LPP: variants seen among roughly 807,000 people sequenced by gnomAD.
LPP encodes lipoma-preferred partner.
LPP carries 38 observed loss-of-function variants against 60.4 expected under a neutral mutation model. The observed-to-expected ratio is 0.63, with a 90% CI of 0.49 to 0.83. The LOEUF is 0.83. LPP is among the 40% of genes least tolerant of loss of function. The pLI is 0.00. For synonymous variants in LPP, 328 were observed against 290.8 expected (o/e 1.13, Z -1.30); for missense variants, 902 against 783.6 (o/e 1.15, Z -1.80).
At chr3:188,579,562 C>A (rs1835559690) in intron 6 of LPP, among the ~76,000 whole-genome samples, 1 of 151,910 alleles carries the variant, frequency 6.6e-6, no homozygotes, top group East Asian at 1.9e-4. Flanking sequence ...AATTAAAGAG[C>A]AATAAAAGCA....
intron 1 of LPP, chr3:188,179,421 C>G (rs945861746): frequency 4.4e-6 from 2 of 457,800 alleles, no homozygotes; most frequent in Non-Finnish European, 8.8e-6. Context: ...TGGAGGGCCA[C>G]CTGACATTCT....
At chr3:188,639,968 C>T (rs1849709181) in intron 7 of LPP, among the ~76,000 whole-genome samples, 1 of 152,116 alleles carries the variant, frequency 6.6e-6, no homozygotes, top group Admixed American at 6.5e-5. Flanking sequence ...GGCAATACCT[C>T]AGGGATCTAG....
chr3:188,267,880 G>C (rs1736146181), intron 2 of LPP, among the ~76,000 whole-genome samples: 1 of 152,122 alleles, frequency 6.6e-6, no homozygotes, highest in East Asian at 1.9e-4. Context: ...TGCGTGTCTG[G>C]CAACCCAGGG....
chr3:188,311,683 G>A (rs1419475592), intron 2 of LPP, among the ~76,000 whole-genome samples: 1 of 151,502 alleles, frequency 6.6e-6, no homozygotes, highest in East Asian at 1.9e-4. Context: ...CTGTCACCCA[G>A]GCTTGAGTGC....
chr3:188,167,038 G>A (rs1577072864), intron 1 of LPP, among the ~76,000 whole-genome samples: 1 of 152,158 alleles, frequency 6.6e-6, no homozygotes, highest in African/African-American at 2.4e-5. Flanking sequence ...GAGTTAGAAG[G>A]TTTGGATTTA....
intron 1 of LPP, among the ~76,000 whole-genome samples, chr3:188,165,335 GA>G (rs1719613134): frequency 1.3e-5 from 2 of 152,114 alleles, no homozygotes; most frequent in South Asian, 4.1e-4. Context: ...GGGACCTGGG[GA>G]AACTCAGATA....
At chr3:188,240,755 G>A (rs1220308802) in intron 2 of LPP, among the ~76,000 whole-genome samples, 1 of 152,140 alleles carries the variant, frequency 6.6e-6, no homozygotes, top group Non-Finnish European at 1.5e-5. Context: ...GGAGGAGCAT[G>A]GCAAGGGAGG....
At chr3:188,512,700 C>T (rs980404760) in intron 5 of LPP, among the ~76,000 whole-genome samples, 21 of 151,928 alleles carry the variant, frequency 1.4e-4, no homozygotes, top group African/African-American at 4.8e-4. Context: ...TTTATGGTTT[C>T]CAATTTTGGT....
chr3:188,381,901 C>T (rs1295168518), intron 3 of LPP, among the ~76,000 whole-genome samples: 2 of 152,002 alleles, frequency 1.3e-5, no homozygotes, highest in East Asian at 1.9e-4. Flanking sequence ...CTCACCTCAG[C>T]CTCCAGAGTA....
At chr3:188,241,267 C>G (rs2149466867) in intron 2 of LPP, among the ~76,000 whole-genome samples, 1 of 152,346 alleles carries the variant, frequency 6.6e-6, no homozygotes, top group Admixed American at 6.5e-5. Flanking sequence ...CCCTGAAGTA[C>G]ATGCTGTACG....
At chr3:188,402,113 G>A (rs2030519) in intron 3 of LPP, among the ~76,000 whole-genome samples, 92,257 of 151,904 alleles carry the variant, frequency 0.61, 29,146 homozygotes, top group African/African-American at 0.79. Flanking sequence ...AAAAGAAGAT[G>A]TATTTAGATG....
chr3:188,168,591 A>C (rs1305924864), intron 1 of LPP, among the ~76,000 whole-genome samples: 2 of 152,226 alleles, frequency 1.3e-5, no homozygotes, highest in Non-Finnish European at 2.9e-5. Context: ...TCCCAAGCCA[A>C]GCATTTCAGA....
intron 6 of LPP, among the ~76,000 whole-genome samples, chr3:188,534,691 A>G (rs748012469): frequency 1.5e-4 from 23 of 152,226 alleles, no homozygotes; most frequent in Non-Finnish European, 2.8e-4. Flanking sequence ...GCCGTGTCTC[A>G]GATAATTTGT....
chr3:188,734,612 G>T (rs1560131701), intron 8 of LPP, among the ~76,000 whole-genome samples: 1 of 152,180 alleles, frequency 6.6e-6, no homozygotes, highest in Non-Finnish European at 1.5e-5. Flanking sequence ...CAGTGTCCTA[G>T]GGGTGACTGG....
intron 9 of LPP, among the ~76,000 whole-genome samples, chr3:188,786,852 CTA>C (rs1012860990): frequency 2.0e-5 from 3 of 152,120 alleles, no homozygotes; most frequent in Non-Finnish European, 4.4e-5. Flanking sequence ...CTGTATGATT[CTA>C]TATATAACAT....
chr3:188,835,455 CAA>C lies in LPP; in HGVS notation c.1411-30732_1411-30731del, dbSNP rs375424925. On this transcript the variant is annotated intron_variant, in intron 9 of 11. Transcript: ENST00000617246. ...GTGAAACCTCATCCTACTAAAAATA[CAA>C]AAAAAAAAAAAATCAGCTGGTGGTG... Among the ~76,000 whole-genome samples, 656 of 110,684 alleles carry C rather than the reference CAA, an allele frequency of 5.9e-3. 11 individuals carry two copies. The highest frequency in any genetic ancestry group is 0.02 in the African/African-American group (586 of 29,960). The allele number at this position is 110,684 out of a possible 152,430, so 72.6% of individuals were successfully genotyped here.
intron 1 of LPP, among the ~76,000 whole-genome samples, chr3:188,176,749 C>T (rs1423146433): frequency 6.6e-6 from 1 of 152,180 alleles, no homozygotes; most frequent in African/African-American, 2.4e-5. Context: ...CAAGAAGTCA[C>T]TGAACATATA....
intron 2 of LPP, among the ~76,000 whole-genome samples, chr3:188,320,379 G>T (rs1481384395): frequency 6.6e-6 from 1 of 152,178 alleles, no homozygotes; most frequent in African/African-American, 2.4e-5. Context: ...GCTACAGCCT[G>T]CCCTGCAGTC....
rs767356397 is a variant in LPP, at chr3:188,708,339, C to T, written c.1186C>T (p.Leu396=). Residue 396 remains leucine, a synonymous_variant, in exon 8 of 12, where the codon CTG becomes TTG. Coordinates refer to ENST00000617246, the MANE Select transcript of LPP (RefSeq NM_001375462.1). ...SFRPEDELEH[L]TKKMLYDMEN... ...CCGCCCAGAGGATGAGCTTGAGCACCTGACCAAAAAGATGCTGTATGACAT... is the reference window on the plus strand; with the variant it reads ...CCGCCCAGAGGATGAGCTTGAGCACTTGACCAAAAAGATGCTGTATGACAT... 3 of 1,614,160 alleles carry T rather than the reference C, an allele frequency of 1.9e-6. No homozygotes were observed. The highest frequency in any genetic ancestry group is 2.2e-5 in the South Asian group (2 of 91,084).
Sources: allele counts gnomAD v4.1 joint callset (sites outside exome capture counted in the v4.1 genomes callset), GRCh38; gene constraint gnomAD v4.1.1; transcripts MANE v1.5; gene names NCBI Gene and HGNC (gene_info 2026-07-23, HGNC 2026-07-21).